Variants in SPOCK3 observed in about 807,000 individuals in gnomAD.
SPOCK3 encodes the protein SPARC (osteonectin), cwcv and kazal like domains proteoglycan 3.
Under a neutral mutation model 56.6 loss-of-function variants are expected in SPOCK3, and 30 were observed. The observed-to-expected ratio is 0.53, with a 90% CI of 0.40 to 0.72. SPOCK3 has a LOEUF of 0.72. SPOCK3 is among the 30% of genes least tolerant of loss of function. The pLI, the probability that SPOCK3 is intolerant of heterozygous loss-of-function variation, is 0.00. For missense variants in SPOCK3, 527 were observed against 530.0 expected (o/e 0.99, Z 0.06); for synonymous variants, 196 against 183.3 (o/e 1.07, Z -0.56).
chr4:166,803,415 T>C (rs796330544), intron 6 of SPOCK3, among the ~76,000 whole-genome samples: 18 of 152,208 alleles, frequency 1.2e-4, no homozygotes, highest in African/African-American at 4.3e-4. Flanking sequence ...ATTTGGGCAG[T>C]AGTAATACAT....
intron 2 of SPOCK3, among the ~76,000 whole-genome samples, chr4:167,200,516 T>A (rs1232286822): frequency 1.3e-5 from 2 of 151,944 alleles, no homozygotes; most frequent in Admixed American, 1.3e-4. Flanking sequence ...GCAAACAATT[T>A]TTTCGTACAT....
chr4:167,037,482 A>G (rs1752859317), intron 3 of SPOCK3, among the ~76,000 whole-genome samples: 1 of 102,318 alleles, frequency 9.8e-6, no homozygotes, highest in African/African-American at 3.4e-5. Context: ...ACTTCATCTC[A>G]AAAAAGAAGA....
At chr4:166,776,594 A>G (rs570992738) in intron 7 of SPOCK3, among the ~76,000 whole-genome samples, 1 of 152,328 alleles carries the variant, frequency 6.6e-6, no homozygotes, top group East Asian at 1.9e-4. Flanking sequence ...ACAGGTAGAG[A>G]ATACAACCCA....
chr4:166,790,637 T>C (rs1741242884), intron 7 of SPOCK3, among the ~76,000 whole-genome samples: 1 of 152,186 alleles, frequency 6.6e-6, no homozygotes, highest in South Asian at 2.1e-4. Flanking sequence ...ACATGGAATT[T>C]ATTGACAGAA....
At chr4:167,057,007 A>G (rs1266271023) in intron 3 of SPOCK3, among the ~76,000 whole-genome samples, 1 of 152,202 alleles carries the variant, frequency 6.6e-6, no homozygotes, top group Non-Finnish European at 1.5e-5. Context: ...AGTTGAAATG[A>G]AGGAAAAAAT....
At chr4:167,037,044 A>AT (rs973460731) in intron 3 of SPOCK3, among the ~76,000 whole-genome samples, 8 of 152,064 alleles carry the variant, frequency 5.3e-5, no homozygotes, top group African/African-American at 1.4e-4. Flanking sequence ...TAAATTGTGC[A>AT]TTTTTTTACA....
At chr4:167,056,659 T>G (rs1754907990) in intron 3 of SPOCK3, among the ~76,000 whole-genome samples, 1 of 152,042 alleles carries the variant, frequency 6.6e-6, no homozygotes, top group African/African-American at 2.4e-5. Flanking sequence ...CAGGAGCCAA[T>G]GCGATCAACT....
intron 4 of SPOCK3, among the ~76,000 whole-genome samples, chr4:166,942,821 G>C (rs1191869724): frequency 6.6e-6 from 1 of 152,134 alleles, no homozygotes; most frequent in Non-Finnish European, 1.5e-5. Flanking sequence ...CTTATAAAAA[G>C]TCTATTAAGC....
chr4:167,015,658 C>T (rs1446942599), intron 3 of SPOCK3, among the ~76,000 whole-genome samples: 5 of 152,154 alleles, frequency 3.3e-5, no homozygotes, highest in African/African-American at 9.6e-5. Context: ...AAAAACAATC[C>T]GTTGGAAAGT....
intron 8 of SPOCK3, among the ~76,000 whole-genome samples, chr4:166,749,694 A>G (rs1395548975): frequency 6.6e-6 from 1 of 152,138 alleles, no homozygotes; most frequent in Non-Finnish European, 1.5e-5. Context: ...CTGTTTTAAA[A>G]TCTTGTATAA....
At chr4:167,090,234 CA>C (rs1254997865) in intron 2 of SPOCK3, among the ~76,000 whole-genome samples, 8 of 152,240 alleles carry the variant, frequency 5.3e-5, no homozygotes, top group African/African-American at 1.9e-4. Context: ...TTTACATTCC[CA>C]GGGGTAATGT....
chr4:167,225,917 C>T (rs1238975409), intron 2 of SPOCK3, among the ~76,000 whole-genome samples: 1 of 152,162 alleles, frequency 6.6e-6, no homozygotes, highest in Non-Finnish European at 1.5e-5. Flanking sequence ...GCTGCATGAA[C>T]CTGGCAAGGG....
intron 4 of SPOCK3, among the ~76,000 whole-genome samples, chr4:166,916,917 T>G (rs758398841): frequency 6.6e-6 from 1 of 152,198 alleles, no homozygotes; most frequent in Non-Finnish European, 1.5e-5. Flanking sequence ...ATTTTAGGAT[T>G]TGATTTAGTG....
In SPOCK3 at chr4:167,154,311, G is replaced by A. The variant is rs146575369; in HGVS notation, c.189+79674C>T. ...CCTCATCTCCAAAATTCCCAGAAAA[G>A]GGTTTGAGCAGCTCAATTTTGGTGC... On this transcript the variant is annotated intron_variant, in intron 2 of 10. Coordinates refer to ENST00000357545, the MANE Select transcript of SPOCK3 (RefSeq NM_001040159.2). 1.0e-3 allele frequency among the ~76,000 whole-genome samples: 155 copies of A among 152,096 alleles called. 2 individuals are homozygous for A. The highest frequency in any genetic ancestry group is 6.3e-3 in the Admixed American group (96 of 15,258).
chr4:166,899,276 ATCTATCTATCTATCTAT>A (rs1735760148), intron 5 of SPOCK3, among the ~76,000 whole-genome samples: 2 of 137,362 alleles, frequency 1.5e-5, no homozygotes, highest in African/African-American at 2.7e-5. Context: ...CTATCTATCT[ATCTATCTATCTATCTAT>A]CTATCTATGT....
intron 2 of SPOCK3, among the ~76,000 whole-genome samples, chr4:167,212,432 G>C (rs1305515423): frequency 6.6e-6 from 1 of 151,804 alleles, no homozygotes; most frequent in Non-Finnish European, 1.5e-5. Flanking sequence ...TGTAGAGCCG[G>C]GGTTTCATCA....
intron 6 of SPOCK3, among the ~76,000 whole-genome samples, chr4:166,854,798 A>C (rs77813986): frequency 0.029 from 4,482 of 152,248 alleles, 232 homozygotes; most frequent in African/African-American, 0.1. Flanking sequence ...CACACACACA[A>C]AAATACATAC....
At chr4:166,984,255 G>C (rs927446667) in intron 4 of SPOCK3, among the ~76,000 whole-genome samples, 9 of 151,872 alleles carry the variant, frequency 5.9e-5, no homozygotes, top group African/African-American at 2.2e-4. Context: ...TAATTTACCA[G>C]ATTAAAGAGC....
chr4:166,810,346 C>T (rs1432015192), intron 6 of SPOCK3, among the ~76,000 whole-genome samples: 2 of 152,000 alleles, frequency 1.3e-5, no homozygotes, highest in Non-Finnish European at 2.9e-5. Context: ...CCTTTACATA[C>T]CACCTAACTC....
Sources: gnomAD v4.1 joint callset for allele counts (sites outside exome capture counted in the v4.1 genomes callset) on GRCh38, gnomAD v4.1.1 for gene constraint, MANE v1.5 for transcripts, NCBI Gene and HGNC (gene_info 2026-07-23, HGNC 2026-07-21) for gene names.